The following CASK variants were observed in gnomAD, a reference collection of about 807,000 sequenced individuals.
The protein encoded by CASK is peripheral plasma membrane protein CASK.
Under a neutral mutation model 82.9 loss-of-function variants are expected in CASK, and 4 were observed. The ratio of observed to expected loss-of-function variants is 0.05; its 90% CI spans 0.02 to 0.11. CASK has a LOEUF of 0.11. Ranked by LOEUF, CASK falls within the 10% of genes least tolerant of loss-of-function variation. The probability of loss-of-function intolerance (pLI) is 1.00; values close to 1 mark genes in which losing one functional copy is unlikely to be tolerated. For synonymous variants in CASK, 259 were observed against 253.5 expected, an observed-to-expected ratio of 1.02 and a Z score of -0.20; for missense variants, 358 against 720.9, an observed-to-expected ratio of 0.50 and a Z score of 5.76.
At chrX:41,908,150 C>T (rs764515138) in intron 1 of CASK, among the ~76,000 whole-genome samples, 71 of 111,874 alleles carry the variant, frequency 6.3e-4, no homozygotes, top group African/African-American at 2.1e-3. Context: ...GGAGGCAGAT[C>T]ACCTGAGGTC....
chrX:41,557,140 C>A, intron 18 of CASK, 40 bp from the exon 19 acceptor site: 2 of 976,992 alleles, frequency 2.0e-6, no homozygotes. Flanking sequence ...AGAACACCAG[C>A]ACAGAAACAC....
intron 2 of CASK, among the ~76,000 whole-genome samples, chrX:41,808,880 G>A (rs961302323): frequency 8.9e-6 from 1 of 112,595 alleles, no homozygotes; most frequent in Admixed American, 9.3e-5. Context: ...CCCTGATACT[G>A]CGCTCCACCC....
chrX:41,798,438 T>C (rs185277980), intron 2 of CASK, among the ~76,000 whole-genome samples: 24 of 113,045 alleles, frequency 2.1e-4, no homozygotes, highest in Admixed American at 9.3e-5. Flanking sequence ...GGCTCTATTT[T>C]AGATGTGTTG....
At chrX:41,680,040 A>T (rs780887294) in intron 5 of CASK, among the ~76,000 whole-genome samples, 4 of 111,251 alleles carry the variant, frequency 3.6e-5, no homozygotes, top group Non-Finnish European at 1.9e-5. Context: ...TCCCTACTAA[A>T]AATACAAAAA....
At chrX:41,719,687 G>A (rs1401398074) in intron 5 of CASK, among the ~76,000 whole-genome samples, 2 of 111,986 alleles carry the variant, frequency 1.8e-5, no homozygotes, top group Middle Eastern at 4.6e-3. Flanking sequence ...TGCTGTGTCC[G>A]GTTTCCATTG....
intron 5 of CASK, among the ~76,000 whole-genome samples, chrX:41,731,519 T>G (rs1051882696): frequency 8.9e-6 from 1 of 112,339 alleles, no homozygotes; most frequent in African/African-American, 3.2e-5. Context: ...CAAAAAATAT[T>G]TCTAGAGATT....
intron 5 of CASK, among the ~76,000 whole-genome samples, chrX:41,711,887 T>C (rs2067983150): frequency 8.9e-6 from 1 of 112,374 alleles, no homozygotes; most frequent in African/African-American, 3.2e-5. Context: ...GCTGTTCTGC[T>C]GCTCAATAAA....
chrX:41,548,567 C>T (rs892739903), intron 21 of CASK, among the ~76,000 whole-genome samples: 2 of 111,644 alleles, frequency 1.8e-5, no homozygotes, highest in African/African-American at 3.3e-5. Flanking sequence ...GAAAATACTG[C>T]GAACTCTCAG....
At chrX:41,757,546 A>G (rs1282052092) in intron 3 of CASK, among the ~76,000 whole-genome samples, 1 of 112,629 alleles carries the variant, frequency 8.9e-6, no homozygotes, top group East Asian at 2.8e-4. Flanking sequence ...TTATAAGTCA[A>G]TGAATGGCAG....
At chrX:41,901,527 T>A (rs2072381163) in intron 1 of CASK, among the ~76,000 whole-genome samples, 1 of 109,418 alleles carries the variant, frequency 9.1e-6, no homozygotes, top group Non-Finnish European at 1.9e-5. Flanking sequence ...GCACTTGCAG[T>A]CTTCACAGAC....
chrX:41,787,550 C>CAA (rs778064917), intron 2 of CASK, among the ~76,000 whole-genome samples: 17 of 39,721 alleles, frequency 4.3e-4, no homozygotes, highest in Non-Finnish European at 5.1e-4. Context: ...TCCCCAAAAG[C>CAA]AAAAAAAAAA....
chrX:41,636,997 C>T lies in CASK; in HGVS notation c.832-336G>A, dbSNP rs563315514. Among the ~76,000 whole-genome samples the T allele has an allele frequency of 1.4e-4, 15 of 110,064 alleles. No individual in the cohort carries two copies. The South Asian group carries it at 5.0e-3, about 37-fold the overall frequency. ...TTTTTGAGACAGGGTTTCACTCTGTCGCCCAGGTTGGCGTGCAGTGGCACA... is the reference window on the plus strand; with the variant it reads ...TTTTTGAGACAGGGTTTCACTCTGTTGCCCAGGTTGGCGTGCAGTGGCACA... On this transcript the variant is annotated intron_variant, in intron 8 of 26. Transcript: ENST00000378163.
intron 9 of CASK, among the ~76,000 whole-genome samples, chrX:41,633,080 A>G (rs1293272702): frequency 2.8e-5 from 3 of 108,415 alleles, no homozygotes; most frequent in African/African-American, 1.0e-4. Flanking sequence ...ATAAAGAAAA[A>G]CTGTAGAAAG....
At chrX:41,645,384 A>G (rs1278178722) in intron 8 of CASK, among the ~76,000 whole-genome samples, 1 of 111,645 alleles carries the variant, frequency 9.0e-6, no homozygotes, top group Non-Finnish European at 1.9e-5. Flanking sequence ...TCCCAAACCA[A>G]TACCTAGGAA....
chrX:41,822,732 C>T (rs1462407168), intron 2 of CASK, among the ~76,000 whole-genome samples: 1 of 109,867 alleles, frequency 9.1e-6, no homozygotes, highest in Non-Finnish European at 1.9e-5. Flanking sequence ...GTCCCTCTTA[C>T]GGTGATGTCG....
intron 12 of CASK, among the ~76,000 whole-genome samples, chrX:41,596,607 T>C (rs1336850743): frequency 8.9e-6 from 1 of 112,148 alleles, no homozygotes; most frequent in Non-Finnish European, 1.9e-5. Context: ...CAAGAATGAA[T>C]CTGTTACTGT....
intron 12 of CASK, among the ~76,000 whole-genome samples, chrX:41,602,892 G>C (rs1212555256): frequency 3.6e-5 from 4 of 111,336 alleles, no homozygotes; most frequent in Non-Finnish European, 7.5e-5. Flanking sequence ...AACAGATATG[G>C]GAGGTTTTGC....
intron 2 of CASK, among the ~76,000 whole-genome samples, chrX:41,804,009 A>C (rs1260344555): frequency 2.7e-5 from 3 of 111,803 alleles, no homozygotes; most frequent in African/African-American, 9.8e-5. Context: ...AACCATATAA[A>C]GAACCAGAAT....
intron 1 of CASK, among the ~76,000 whole-genome samples, chrX:41,869,684 G>A (rs981253553): frequency 1.4e-4 from 15 of 105,619 alleles, no homozygotes; most frequent in Non-Finnish European, 2.5e-4. Context: ...GCAGTGGCGC[G>A]CGCCTGTACT....
Sources: gnomAD v4.1 joint callset for allele counts (sites outside exome capture counted in the v4.1 genomes callset) on GRCh38, gnomAD v4.1.1 for gene constraint, MANE v1.5 for transcripts, NCBI Gene and HGNC (gene_info 2026-07-23, HGNC 2026-07-21) for gene names.